Variants in RNF145 observed in about 807,000 individuals in gnomAD.
The protein encoded by RNF145 is ring finger protein 145.
Under a neutral mutation model 57.3 loss-of-function variants are expected in RNF145, and 12 were observed. The observed-to-expected ratio is 0.21, with a 90% confidence interval of 0.13 to 0.34. The LOEUF (loss-of-function observed/expected upper bound fraction) is 0.34, where lower values mean the gene tolerates loss of function less well. Ranked by LOEUF, RNF145 falls within the 10% of genes least tolerant of loss-of-function variation. The pLI is 1.00. For synonymous variants in RNF145, 262 were observed against 288.3 expected (o/e 0.91, Z 0.92); for missense variants, 429 against 799.0 (o/e 0.54, Z 5.58).
intron 3 of RNF145, among the ~76,000 whole-genome samples, chr5:159,192,099 G>A (rs766865605): frequency 6.7e-6 from 1 of 149,794 alleles, no homozygotes; most frequent in African/African-American, 2.4e-5. Flanking sequence ...GACTTTTTTT[G>A]TCATTTTTCC....
chr5:159,208,328 T>G (rs1175841613), intron 1 of RNF145, among the ~76,000 whole-genome samples: 1 of 152,090 alleles, frequency 6.6e-6, no homozygotes, highest in Non-Finnish European at 1.5e-5. Flanking sequence ...GCTGACTCTG[T>G]CGCGCCACGC....
intron 8 of RNF145, among the ~76,000 whole-genome samples, chr5:159,165,809 G>T (rs1784377959): frequency 6.7e-6 from 1 of 149,662 alleles, no homozygotes; most frequent in Non-Finnish European, 1.5e-5. Flanking sequence ...ATACTGATTT[G>T]TGGGTCACTA....
At chr5:159,188,370 G>C (rs1785162020) in intron 3 of RNF145, among the ~76,000 whole-genome samples, 2 of 151,780 alleles carry the variant, frequency 1.3e-5, no homozygotes, top group South Asian at 2.1e-4. Flanking sequence ...CTCCAGCCTG[G>C]GCAACAGAGC....
At chr5:159,196,912 C>T (rs1249916692) in intron 2 of RNF145, among the ~76,000 whole-genome samples, 1 of 152,192 alleles carries the variant, frequency 6.6e-6, no homozygotes, top group African/African-American at 2.4e-5. Context: ...CTATATATCG[C>T]ATATAAAATC....
chr5:159,158,023 T>C lies in RNF145; in HGVS notation c.*647A>G, dbSNP rs1443124208. The C allele has an allele frequency of 2.0e-5, 3 of 152,834 alleles. No individual in the cohort carries two copies. Among genetic ancestry groups the C allele is most frequent in the Non-Finnish European group, 4.4e-5 (3 of 68,130 alleles). The allele number at this position is 152,834 out of a possible 1,614,324, so 9.5% of individuals were successfully genotyped here. ...TAAAGTTCAAGAGTCTCAGATTACA[T>C]GAATGCACCCGCAAGGCCCAAGTGC... On this transcript the variant is annotated 3_prime_UTR_variant, in exon 11 of 11. Transcript: ENST00000424310.
chr5:159,207,448 AAAAG>A, intron 1 of RNF145: 1 of 1,458,100 alleles, frequency 6.9e-7, no homozygotes, highest in Non-Finnish European at 9.3e-7. Context: ...TTCCCCCTAA[AAAAG>A]AAAAACAAAA....
intron 4 of RNF145, among the ~76,000 whole-genome samples, chr5:159,180,833 C>A (rs1784868010): frequency 6.6e-6 from 1 of 152,028 alleles, no homozygotes; most frequent in Non-Finnish European, 1.5e-5. Context: ...CACCACACTG[C>A]AAGTGCTAAC....
intron 2 of RNF145, among the ~76,000 whole-genome samples, chr5:159,196,322 T>C (rs752411116): frequency 7.2e-5 from 11 of 152,006 alleles, no homozygotes; most frequent in Non-Finnish European, 1.5e-4. Context: ...TTTCCTAATG[T>C]GGTCCAGGGA....
At chr5:159,174,980 A>G (rs986178213) in intron 5 of RNF145, among the ~76,000 whole-genome samples, 1 of 152,200 alleles carries the variant, frequency 6.6e-6, no homozygotes, top group African/African-American at 2.4e-5. Flanking sequence ...TCTGCTGGAC[A>G]GCTTACAAAA....
intron 1 of RNF145, among the ~76,000 whole-genome samples, chr5:159,207,198 A>G (rs1785919915): frequency 6.6e-6 from 1 of 152,218 alleles, no homozygotes; most frequent in African/African-American, 2.4e-5. Context: ...ACGGGATTTT[A>G]GTTTTGAATA....
In RNF145 at chr5:159,203,758, CTA is replaced by C. The variant is rs1035599085; in HGVS notation, c.-39-104_-39-103del. 6.2e-5 allele frequency: 43 copies of C among 696,890 alleles called. No homozygotes were observed. The African/African-American group carries it at 7.2e-4, about 12-fold the overall frequency. 43.2% of individuals were successfully genotyped at this position (696,890 alleles called of 1,614,324 possible). Reference sequence around the variant, plus strand: ...ATAGGTTGTCACACACTGTACAAAACTATGTGAGAACGTATACTACTTCTCAG... The same window carrying C: ...ATAGGTTGTCACACACTGTACAAAACTGTGAGAACGTATACTACTTCTCAG... On this transcript the variant is annotated intron_variant, in intron 1 of 10. Transcript: ENST00000424310.
rs540397112 is a variant in RNF145 at position 159,167,318 on chromosome 5, T to C, written c.1121+1555A>G. Reference sequence around the variant, plus strand: ...TTAATGCAGCCGCAGCCACAAGGAATAACACAGACACCAATTCAAAGTACC... The same window carrying C: ...TTAATGCAGCCGCAGCCACAAGGAACAACACAGACACCAATTCAAAGTACC... On this transcript the variant is annotated intron_variant, in intron 8 of 10. Transcript: ENST00000424310. Among the ~76,000 whole-genome samples the C allele has an allele frequency of 4.6e-5, 7 of 152,240 alleles. No individual in the cohort carries two copies. In the East Asian group the frequency reaches 1.4e-3, roughly 29 times the overall value.
At chr5:159,176,899 G>C (rs1321775444) in intron 4 of RNF145, 32 bp from the exon 5 acceptor site, 1 of 1,320,236 alleles carries the variant, frequency 7.6e-7, no homozygotes, top group Non-Finnish European at 1.1e-6. Flanking sequence ...ATTTAATTTT[G>C]AGTATTTGGC....
chr5:159,170,190 CTGT>C (rs1784502143), intron 6 of RNF145, among the ~76,000 whole-genome samples: 1 of 152,180 alleles, frequency 6.6e-6, no homozygotes, highest in South Asian at 2.1e-4. Flanking sequence ...AAAATGATGG[CTGT>C]TCAAATTGTT....
chr5:159,170,525 T>C (rs1784515941), intron 6 of RNF145, among the ~76,000 whole-genome samples: 1 of 152,218 alleles, frequency 6.6e-6, no homozygotes, highest in South Asian at 2.1e-4. Flanking sequence ...TATTAACTTA[T>C]ATGTATTTTA....
rs1562055014 is a variant in RNF145 at position 159,173,973 on chromosome 5, TATTA to T, written c.797+6_797+9del. 3 of 1,593,468 alleles carry T rather than the reference TATTA, an allele frequency of 1.9e-6. No homozygotes were observed. Among genetic ancestry groups the T allele is most frequent in the South Asian group, 1.1e-5 (1 of 87,596 alleles). ...GGTTATATATAGTATCATAGGCTCT[TATTA>T]ATTACCTTGTCAGAAAAAGGAAAAG... is the stretch of plus-strand genomic sequence containing the variant. On this transcript the variant is annotated splice_donor_region_variant and intron_variant, in intron 6 of 10. Transcript: ENST00000424310.
Position 159,159,046 on chromosome 5 carries a change from G to A in RNF145, c.1627-11C>T. ...AGCAGATTTCATGTCCTAAAAGAGG[G>A]GGAAAAAAGATACCTTATAAATGTC... On this transcript the variant is annotated splice_polypyrimidine_tract_variant and intron_variant, in intron 10 of 10. Transcript: ENST00000424310. 1 of 1,594,578 alleles carries A rather than the reference G, an allele frequency of 6.3e-7. No individual in the cohort carries two copies. The highest frequency in any genetic ancestry group is 8.5e-7 in the Non-Finnish European group (1 of 1,170,540).
chr5:159,191,923 C>A (rs1315900260), intron 3 of RNF145, among the ~76,000 whole-genome samples: 1 of 151,976 alleles, frequency 6.6e-6, no homozygotes, highest in Admixed American at 6.6e-5. Context: ...CTACTTAGGT[C>A]CCCTTTTTCC....
At chr5:159,188,013 A>G (rs1007778140) in intron 3 of RNF145, among the ~76,000 whole-genome samples, 21 of 152,166 alleles carry the variant, frequency 1.4e-4, no homozygotes, top group African/African-American at 5.1e-4. Flanking sequence ...AGCCAGTTCT[A>G]CTGGGCTCTT....
Sources: allele counts gnomAD v4.1 joint callset (sites outside exome capture counted in the v4.1 genomes callset), GRCh38; gene constraint gnomAD v4.1.1; transcripts MANE v1.5; gene names NCBI Gene and HGNC (gene_info 2026-07-23, HGNC 2026-07-21).